DLG2: variants seen among roughly 807,000 people sequenced by gnomAD.
DLG2 encodes the protein disks large homolog 2.
DLG2 carries 45 observed loss-of-function variants against 132.5 expected under a neutral mutation model. The ratio of observed to expected loss-of-function variants is 0.34; its 90% CI spans 0.27 to 0.44. The LOEUF (loss-of-function observed/expected upper bound fraction) is 0.44. Ranked by LOEUF, DLG2 falls within the 20% of genes least tolerant of loss-of-function variation. The probability of loss-of-function intolerance (pLI) is 1.00; values close to 1 mark genes in which losing one functional copy is unlikely to be tolerated. For synonymous variants in DLG2, 424 were observed against 419.6 expected, an observed-to-expected ratio of 1.01 and a Z score of -0.13; for missense variants, 1,045 against 1,196.9, an observed-to-expected ratio of 0.87 and a Z score of 1.87.
intron 7 of DLG2, among the ~76,000 whole-genome samples, chr11:84,523,779 G>A (rs1437400411): frequency 1.3e-5 from 2 of 152,116 alleles, no homozygotes; most frequent in Non-Finnish European, 2.9e-5. Context: ...GTGTAACTGG[G>A]TTAACTCTAG....
At chr11:84,443,284 G>A (rs144741084) in intron 7 of DLG2, among the ~76,000 whole-genome samples, 1 of 152,220 alleles carries the variant, frequency 6.6e-6, no homozygotes, top group African/African-American at 2.4e-5. Flanking sequence ...ATTTGATTCA[G>A]ATTAATTTTT....
chr11:85,159,556 G>T (rs1017317965), intron 4 of DLG2, among the ~76,000 whole-genome samples: 4 of 152,172 alleles, frequency 2.6e-5, no homozygotes, highest in African/African-American at 9.7e-5. Flanking sequence ...CTCCTATTTG[G>T]CCTGTGCAGA....
chr11:84,266,097 C>T (rs1029744646), intron 7 of DLG2, among the ~76,000 whole-genome samples: 2 of 152,052 alleles, frequency 1.3e-5, no homozygotes, highest in African/African-American at 4.8e-5. Flanking sequence ...TGCTAATACT[C>T]CATTTTAATG....
intron 7 of DLG2, among the ~76,000 whole-genome samples, chr11:84,399,306 C>T (rs759020220): frequency 4.6e-5 from 7 of 152,108 alleles, no homozygotes; most frequent in Admixed American, 2.0e-4. Context: ...TCTCATAGCC[C>T]TTTGTAGACA....
chr11:85,122,219 T>C lies in DLG2; in HGVS notation c.283-10484A>G, dbSNP rs141002887. Among the ~76,000 whole-genome samples, 312 of 152,248 alleles carry C rather than the reference T, an allele frequency of 2.0e-3. 3 individuals carry two copies. The highest frequency in any genetic ancestry group is 2.9e-3 in the East Asian group (15 of 5,176). On this transcript the variant is annotated intron_variant, in intron 5 of 27. Coordinates refer to ENST00000376104, the MANE Select transcript of DLG2 (RefSeq NM_001142699.3). ...TAACTACACAACCAGATAAAGACTA[T>C]AACAAAGATGCAGACAATGTGCGGA...
intron 11 of DLG2, among the ~76,000 whole-genome samples, chr11:84,045,919 A>T (rs2096233255): frequency 6.6e-6 from 1 of 151,590 alleles, no homozygotes; most frequent in South Asian, 2.1e-4. Context: ...AGCCGTAGAA[A>T]GCAAAAACAA....
At chr11:84,581,084 T>C (rs2099515232) in intron 6 of DLG2, among the ~76,000 whole-genome samples, 1 of 152,218 alleles carries the variant, frequency 6.6e-6, no homozygotes, top group African/African-American at 2.4e-5. Context: ...AAACAGCTGC[T>C]CTCCCTTTTT....
At chr11:84,903,967 A>G (rs2154072330) in intron 6 of DLG2, among the ~76,000 whole-genome samples, 1 of 152,296 alleles carries the variant, frequency 6.6e-6, no homozygotes, top group Admixed American at 6.5e-5. Context: ...AAGGCAATTT[A>G]CAAATGGAGA....
intron 2 of DLG2, among the ~76,000 whole-genome samples, chr11:85,599,340 C>A (rs1351142878): frequency 2.0e-5 from 3 of 150,174 alleles, no homozygotes; most frequent in Admixed American, 6.6e-5. Context: ...TCTCCCCCAC[C>A]TCTCTCTTTC....
At chr11:84,613,162 G>A (rs966943954) in intron 6 of DLG2, among the ~76,000 whole-genome samples, 3 of 152,022 alleles carry the variant, frequency 2.0e-5, no homozygotes, top group African/African-American at 7.2e-5. Context: ...TCAGGACAAC[G>A]GCTCTCTCTT....
At chr11:83,800,871 A>C (rs1256902717) in intron 17 of DLG2, among the ~76,000 whole-genome samples, 1 of 152,196 alleles carries the variant, frequency 6.6e-6, no homozygotes, top group Non-Finnish European at 1.5e-5. Flanking sequence ...TAAGCAAAAA[A>C]TAGTTGAAAC....
chr11:85,498,044 C>T (rs983699349), intron 3 of DLG2, among the ~76,000 whole-genome samples: 1 of 152,086 alleles, frequency 6.6e-6, no homozygotes, highest in African/African-American at 2.4e-5. Flanking sequence ...TAACCAGCTA[C>T]CATCATAATG....
At chr11:85,444,717 C>G (rs370071692) in intron 3 of DLG2, among the ~76,000 whole-genome samples, 1 of 151,586 alleles carries the variant, frequency 6.6e-6, no homozygotes, top group Non-Finnish European at 1.5e-5. Context: ...GGAAGGAACA[C>G]AGCAGCTACC....
chr11:84,332,957 G>C (rs1460744171), intron 7 of DLG2, among the ~76,000 whole-genome samples: 1 of 152,158 alleles, frequency 6.6e-6, no homozygotes, highest in Non-Finnish European at 1.5e-5. Context: ...CTACAATACA[G>C]ACTCTTGTTG....
intron 6 of DLG2, among the ~76,000 whole-genome samples, chr11:84,979,201 C>T (rs1356179118): frequency 6.6e-6 from 1 of 151,322 alleles, no homozygotes; most frequent in African/African-American, 2.4e-5. Context: ...AACTAGTTTA[C>T]AGTCACACAC....
intron 19 of DLG2, among the ~76,000 whole-genome samples, chr11:83,616,361 A>G (rs903086127): frequency 2.6e-5 from 4 of 152,214 alleles, no homozygotes; most frequent in Non-Finnish European, 4.4e-5. Flanking sequence ...GAGACTCTCT[A>G]CATGTTCACA....
chr11:83,538,817 C>T (rs1462517855), intron 20 of DLG2, among the ~76,000 whole-genome samples: 1 of 152,166 alleles, frequency 6.6e-6, no homozygotes, highest in African/African-American at 2.4e-5. Context: ...ACATGTTGGT[C>T]CCACAAGTGA....
intron 11 of DLG2, among the ~76,000 whole-genome samples, chr11:84,040,684 G>A (rs957244293): frequency 6.6e-6 from 1 of 150,728 alleles, no homozygotes; most frequent in Non-Finnish European, 1.5e-5. Flanking sequence ...TTTTGGCTTA[G>A]GATTGCCTTG....
chr11:85,611,862 G>C (rs941123879), intron 2 of DLG2, among the ~76,000 whole-genome samples: 1 of 152,188 alleles, frequency 6.6e-6, no homozygotes, highest in Non-Finnish European at 1.5e-5. Context: ...CCATCAAAAA[G>C]GGGAAGGAGA....
Sources: gnomAD v4.1 joint callset for allele counts (sites outside exome capture counted in the v4.1 genomes callset) on GRCh38, gnomAD v4.1.1 for gene constraint, MANE v1.5 for transcripts, NCBI Gene and HGNC (gene_info 2026-07-23, HGNC 2026-07-21) for gene names.